The following RBFOX2 variants were observed in gnomAD, a reference collection of about 807,000 sequenced individuals.
RBFOX2 encodes the protein RNA binding protein fox-1 homolog 2.
RBFOX2 carries 10 observed loss-of-function variants against 49.1 expected under a neutral mutation model. That is an observed-to-expected ratio of 0.20 (90% CI 0.13 to 0.35). The LOEUF (loss-of-function observed/expected upper bound fraction) is 0.35, where lower values mean the gene tolerates loss of function less well. Ranked by LOEUF, RBFOX2 falls within the 10% of genes least tolerant of loss-of-function variation. RBFOX2 has a pLI of 1.00. For synonymous variants in RBFOX2, 183 were observed against 187.4 expected (o/e 0.98, Z 0.19); for missense variants, 323 against 486.9 (o/e 0.66, Z 3.17).
chr22:35,916,375 G>T (rs933603223), intron 1 of RBFOX2, among the ~76,000 whole-genome samples: 65 of 152,250 alleles, frequency 4.3e-4, no homozygotes, highest in African/African-American at 1.5e-3. Flanking sequence ...TCTGCCTCCC[G>T]GATTCAAGCA....
At chr22:35,853,978 A>G (rs1255991363) in intron 1 of RBFOX2, among the ~76,000 whole-genome samples, 2 of 152,158 alleles carry the variant, frequency 1.3e-5, no homozygotes, top group Admixed American at 6.5e-5. Context: ...TGGGAGGCCA[A>G]GGCAGGTGGA....
chr22:35,821,197 G>A (rs769724475), intron 1 of RBFOX2, among the ~76,000 whole-genome samples: 2 of 152,130 alleles, frequency 1.3e-5, no homozygotes, highest in African/African-American at 2.4e-5. Context: ...TATTTCCAGA[G>A]TGTTTTTGGT....
Position 35,876,701 on chromosome 22 carries a change from AACACACACACACACACACAC to A in RBFOX2, c.-34+62126_-34+62145del, listed in dbSNP as rs142455818. The stretch of plus-strand genomic sequence containing the variant: ...CTGATCACATTCTCCCATTAAAAGA[AACACACACACACACACACAC>A]ACACACACACACACACACAGATTTA... On this transcript the variant is annotated intron_variant, in intron 1 of 13. Transcript: ENST00000359369. Among the ~76,000 whole-genome samples, 59 of 140,554 alleles carry A rather than the reference AACACACACACACACACACAC, an allele frequency of 4.2e-4. No homozygotes were observed. In the South Asian group the frequency reaches 0.012, roughly 30 times the overall value. 92.2% of individuals were successfully genotyped at this position (140,554 alleles called of 152,430 possible).
intron 1 of RBFOX2, among the ~76,000 whole-genome samples, chr22:35,822,221 T>C (rs1954685533): frequency 6.6e-6 from 1 of 152,236 alleles, no homozygotes; most frequent in South Asian, 2.1e-4. Context: ...AACCTCTACT[T>C]TTTGGGAGCA....
chr22:35,738,960 T>C (rs1227530053), exon 12 of RBFOX2: 1 of 152,762 alleles, frequency 6.5e-6, no homozygotes, highest in Non-Finnish European at 1.5e-5. Flanking sequence ...CAATGAATAC[T>C]GTATGGTCTG....
intron 1 of RBFOX2, among the ~76,000 whole-genome samples, chr22:35,930,071 G>A (rs1476397905): frequency 7.3e-6 from 1 of 137,822 alleles, no homozygotes. Context: ...GCCCAGGCTC[G>A]AGTGCAGTGG....
At chr22:35,890,047 T>A (rs1034960350) in intron 1 of RBFOX2, among the ~76,000 whole-genome samples, 1 of 152,084 alleles carries the variant, frequency 6.6e-6, no homozygotes, top group Non-Finnish European at 1.5e-5. Flanking sequence ...GACTTTCAAG[T>A]TTTATGATAA....
At chr22:36,013,488 ATAAGT>A (rs1486193620) in intron 1 of RBFOX2, among the ~76,000 whole-genome samples, 4 of 152,210 alleles carry the variant, frequency 2.6e-5, no homozygotes, top group Admixed American at 6.5e-5. Flanking sequence ...TGAGGCTTAG[ATAAGT>A]TAAGTCACTT....
At chr22:35,999,531 T>C (rs985318801) in intron 1 of RBFOX2, 1 of 152,130 alleles carries the variant, frequency 6.6e-6, no homozygotes, top group Non-Finnish European at 1.5e-5. Context: ...CAATACAGCC[T>C]GGCAACAGAG....
chr22:35,930,811 CACA>C (rs1364665545), intron 1 of RBFOX2, among the ~76,000 whole-genome samples: 5 of 152,080 alleles, frequency 3.3e-5, no homozygotes, highest in South Asian at 2.1e-4. Flanking sequence ...GCCTGGGCAA[CACA>C]ACAAGACCTT....
At chr22:35,768,994 T>C (rs982256230) in intron 4 of RBFOX2, among the ~76,000 whole-genome samples, 1 of 152,214 alleles carries the variant, frequency 6.6e-6, no homozygotes. Flanking sequence ...CATGCTCTTC[T>C]AAGCAAATAA....
chr22:35,942,814 A>C (rs1402380142), upstream of RBFOX2, among the ~76,000 whole-genome samples: 1 of 152,208 alleles, frequency 6.6e-6, no homozygotes, highest in Non-Finnish European at 1.5e-5. Context: ...AGGGAGAAGA[A>C]TAAGATTTGT....
intron 1 of RBFOX2, chr22:35,897,127 T>C: frequency 1.9e-6 from 1 of 520,548 alleles, no homozygotes; most frequent in Non-Finnish European, 3.4e-6. Context: ...TTTTTTTTTC[T>C]TTTTAACCTC....
At chr22:35,757,481 CT>C (rs1001193504) in intron 9 of RBFOX2, among the ~76,000 whole-genome samples, 6 of 152,158 alleles carry the variant, frequency 3.9e-5, no homozygotes, top group Non-Finnish European at 7.4e-5. Context: ...ATTTTCACCA[CT>C]ACCTTCTCTG....
intron 2 of RBFOX2, among the ~76,000 whole-genome samples, chr22:35,793,399 A>G (rs867257075): frequency 6.6e-6 from 1 of 152,152 alleles, no homozygotes; most frequent in African/African-American, 2.4e-5. Flanking sequence ...AATGAATAAA[A>G]ATGTTTACGA....
intron 9 of RBFOX2, among the ~76,000 whole-genome samples, chr22:35,753,533 T>C (rs1453187627): frequency 6.6e-6 from 1 of 152,030 alleles, no homozygotes; most frequent in African/African-American, 2.4e-5. Flanking sequence ...ATTAATTACT[T>C]TCATTAACAA....
intron 1 of RBFOX2, among the ~76,000 whole-genome samples, chr22:35,985,069 T>C (rs1164166134): frequency 6.6e-6 from 1 of 152,160 alleles, no homozygotes; most frequent in African/African-American, 2.4e-5. Flanking sequence ...GACACAGTAA[T>C]GGTGGATGGT....
upstream of RBFOX2, chr22:35,961,819 T>G (rs1489153185): frequency 1.4e-6 from 1 of 702,948 alleles, no homozygotes; most frequent in African/African-American, 1.9e-5. Flanking sequence ...GGATTCAGAG[T>G]CCTATGACTA....
chr22:35,950,718 G>C (rs2054816872), intron 1 of RBFOX2, among the ~76,000 whole-genome samples: 1 of 152,074 alleles, frequency 6.6e-6, no homozygotes, highest in East Asian at 1.9e-4. Context: ...TCAGATTTCA[G>C]TCTCTCGGCC....
Sources: gnomAD v4.1 joint callset for allele counts (sites outside exome capture counted in the v4.1 genomes callset) on GRCh38, gnomAD v4.1.1 for gene constraint, MANE v1.5 for transcripts, NCBI Gene and HGNC (gene_info 2026-07-23, HGNC 2026-07-21) for gene names.